The following PIWIL2 variants were observed in gnomAD, a reference collection of about 807,000 sequenced individuals.
The protein encoded by PIWIL2 is piwi like RNA-mediated gene silencing 2.
In PIWIL2, 81 loss-of-function variants were observed where a neutral mutation model predicts 116.5. That is an observed-to-expected ratio of 0.70 (90% CI 0.58 to 0.84). PIWIL2 has a LOEUF of 0.84. Among genes scored for constraint, PIWIL2 ranks in the 40% least tolerant of loss-of-function variants. PIWIL2 has a pLI of 0.00. For missense variants in PIWIL2, 1,272 were observed against 1,212.3 expected, an observed-to-expected ratio of 1.05 and a Z score of -0.73; for synonymous variants, 489 against 429.5, an observed-to-expected ratio of 1.14 and a Z score of -1.71.
chr8:22,338,500 G>A (rs905311183), intron 20 of PIWIL2, among the ~76,000 whole-genome samples: 1 of 152,012 alleles, frequency 6.6e-6, no homozygotes, highest in Non-Finnish European at 1.5e-5. Context: ...AGACCAGCCT[G>A]GCCAACATGG....
chr8:22,293,060 A>G (rs548491561), intron 10 of PIWIL2, among the ~76,000 whole-genome samples: 1 of 152,290 alleles, frequency 6.6e-6, no homozygotes, highest in South Asian at 2.1e-4. Context: ...CAAATCGGCT[A>G]TTTCTTTTTT....
chr8:22,319,192 A>G (rs1010067904), intron 20 of PIWIL2, among the ~76,000 whole-genome samples: 2 of 152,224 alleles, frequency 1.3e-5, no homozygotes, highest in African/African-American at 4.8e-5. Context: ...GAAATGTCGT[A>G]ATTTCATATG....
At chr8:22,305,089 A>G (rs1831143975) in intron 12 of PIWIL2, among the ~76,000 whole-genome samples, 1 of 152,196 alleles carries the variant, frequency 6.6e-6, no homozygotes, top group African/African-American at 2.4e-5. Flanking sequence ...ATATCCACAT[A>G]AGCTATTAGG....
At chr8:22,322,939 G>T (rs1327090770) in intron 20 of PIWIL2, among the ~76,000 whole-genome samples, 1 of 151,968 alleles carries the variant, frequency 6.6e-6, no homozygotes, top group Non-Finnish European at 1.5e-5. Flanking sequence ...GTTGTTTGAG[G>T]CAGAGTCTCT....
At position 22,290,340 on chromosome 8, in the gene PIWIL2, A is replaced by G; in HGVS notation, c.1175A>G (p.Asp392Gly). Reference sequence around the variant, plus strand: ...GTCATTCGGAATGACTGTGTGCTGGATGTCATGTGAGTGAATGGTGGGGTC... The same window carrying G: ...GTCATTCGGAATGACTGTGTGCTGGGTGTCATGTGAGTGAATGGTGGGGTC... ...HKVIRNDCVL[D>G]VMHAIYQQNK... The change falls in exon 10 of 23, where the codon GAT (aspartate) becomes GGT (glycine). Residue 392 changes from aspartate to glycine, a missense_variant. By Grantham distance (94) the Asp-to-Gly change is moderately conservative. Transcript: ENST00000356766. The G allele has an allele frequency of 3.2e-6, 5 of 1,585,074 alleles. No individual in the cohort carries two copies. The highest frequency in any genetic ancestry group is 4.3e-6 in the Non-Finnish European group (5 of 1,154,488).
At chr8:22,281,616 ATGTC>A in intron 4 of PIWIL2, 101 bp downstream of exon 4, 1 of 981,178 alleles carries the variant, frequency 1.0e-6, no homozygotes, top group South Asian at 2.0e-5. Context: ...CTCATAATCA[ATGTC>A]TGGTTTTATA....
intron 8 of PIWIL2, among the ~76,000 whole-genome samples, chr8:22,289,152 C>CTTTTTTTT (rs374688951): frequency 6.7e-5 from 9 of 135,280 alleles, no homozygotes; most frequent in East Asian, 2.1e-4. Flanking sequence ...TTTCTTTTTT[C>CTTTTTTTT]TTTTTTTTTT....
Position 22,305,293 on chromosome 8 carries a change from CAT to C in PIWIL2, c.1455+426_1455+427del, listed in dbSNP as rs558766072. On this transcript the variant is annotated intron_variant, in intron 12 of 22. Coordinates refer to ENST00000356766, the MANE Select transcript of PIWIL2 (RefSeq NM_018068.5). The stretch of plus-strand genomic sequence containing the variant: ...CTGCAAGCTCCGCCTCCCGGGTTCA[CAT>C]CATTCTCCTGCCTCAGCCTCCTGAG... Among the ~76,000 whole-genome samples the C allele has an allele frequency of 2.0e-5, 3 of 152,106 alleles. No homozygotes were observed. In the East Asian group the frequency reaches 5.8e-4, roughly 29 times the overall value.
At position 22,281,428 on chromosome 8, in the gene PIWIL2, G is replaced by T; in HGVS notation, c.338G>T (p.Arg113Met). Residue 113 changes from arginine to methionine, a missense_variant, in exon 4 of 23, where the codon AGG becomes ATG. Coordinates refer to ENST00000356766, the MANE Select transcript of PIWIL2 (RefSeq NM_018068.5). ...TCTGCTAATCTGGTACGCAAGGACAGGGAGGAACTCTCTCCCACTTTTTGG... is the reference window on the plus strand; with the variant it reads ...TCTGCTAATCTGGTACGCAAGGACATGGAGGAACTCTCTCCCACTTTTTGG... ...GLSANLVRKD[R>M]EELSPTFWDP... 1.2e-6 allele frequency: 2 copies of T among 1,606,072 alleles called. No homozygotes were observed. The highest frequency in any genetic ancestry group is 1.7e-6 in the Non-Finnish European group (2 of 1,178,322).
intron 20 of PIWIL2, among the ~76,000 whole-genome samples, chr8:22,342,959 C>T (rs1832143561): frequency 6.6e-6 from 1 of 152,170 alleles, no homozygotes; most frequent in Non-Finnish European, 1.5e-5. Context: ...CCTCAACAGA[C>T]ATCTCACCAA....
chr8:22,310,008 T>C lies in PIWIL2; in HGVS notation c.1734T>C (p.Thr578=), dbSNP rs755026695. 3 of 1,612,098 alleles carry C rather than the reference T, an allele frequency of 1.9e-6. No homozygotes were observed. The East Asian group carries it at 6.7e-5, about 36-fold the overall frequency. ...TGGAAAGAATTAACTTAAAAAATAC[T>C]TCGTTTATCACATCTCAGGAACTAA... The part of the protein sequence containing the change: ...LPMERINLKN[T]SFITSQELNW... Residue 578 remains threonine (T), a synonymous_variant, in exon 15 of 23, where the codon ACT becomes ACC. Coordinates refer to ENST00000356766, the MANE Select transcript of PIWIL2 (RefSeq NM_018068.5).
At chr8:22,336,989 A>T (rs1455458060) in intron 20 of PIWIL2, among the ~76,000 whole-genome samples, 1 of 152,224 alleles carries the variant, frequency 6.6e-6, no homozygotes, top group Admixed American at 6.5e-5. Flanking sequence ...CCAACAAATT[A>T]GATGCCCTAA....
intron 13 of PIWIL2, 84 bp from the exon 14 acceptor site, chr8:22,307,849 A>T: frequency 9.6e-7 from 1 of 1,036,316 alleles, no homozygotes; most frequent in Non-Finnish European, 1.4e-6. Flanking sequence ...GGGAAAGAGA[A>T]ACATTTTAGA....
At chr8:22,326,431 A>G (rs1022408414) in intron 20 of PIWIL2, among the ~76,000 whole-genome samples, 3 of 152,118 alleles carry the variant, frequency 2.0e-5, no homozygotes, top group Admixed American at 2.0e-4. Context: ...CTGAGGTAAG[A>G]GGATCTCTAG....
chr8:22,297,042 A>C (rs550101422), intron 10 of PIWIL2, among the ~76,000 whole-genome samples: 1 of 151,894 alleles, frequency 6.6e-6, no homozygotes, highest in African/African-American at 2.4e-5. Flanking sequence ...CAGTTGGAGT[A>C]CAGTGGCACG....
Position 22,351,319 on chromosome 8 carries a change from T to TA in PIWIL2, c.2404-1629dup, listed in dbSNP as rs1031866170. Reference sequence around the variant, plus strand: ...AGCAACAGAGTGAGACCTCAATTCTTAAAAAAAAAAACAAATTGAAACTCA... The same window carrying TA: ...AGCAACAGAGTGAGACCTCAATTCTTAAAAAAAAAAAACAAATTGAAACTCA... On this transcript the variant is annotated intron_variant, in intron 20 of 22. Coordinates refer to ENST00000356766, the MANE Select transcript of PIWIL2 (RefSeq NM_018068.5). Among the ~76,000 whole-genome samples the TA allele has an allele frequency of 5.8e-3, 790 of 137,316 alleles. 4 individuals are homozygous for TA. The highest frequency in any genetic ancestry group is 0.017 in the African/African-American group (654 of 37,858). 90.1% of individuals were successfully genotyped at this position (137,316 alleles called of 152,430 possible).
intron 19 of PIWIL2, among the ~76,000 whole-genome samples, chr8:22,317,284 G>A (rs1831482869): frequency 6.6e-6 from 1 of 152,100 alleles, no homozygotes; most frequent in Non-Finnish European, 1.5e-5. Context: ...AATTCCTCAT[G>A]GTCCAGCTTT....
chr8:22,282,314 C>T (rs192871485), intron 4 of PIWIL2, among the ~76,000 whole-genome samples: 3 of 125,474 alleles, frequency 2.4e-5, no homozygotes, highest in South Asian at 2.9e-4. Context: ...TGCAGTGGCA[C>T]GATCTTGGCT....
At chr8:22,348,752 A>G (rs879637244) in intron 20 of PIWIL2, among the ~76,000 whole-genome samples, 23 of 152,204 alleles carry the variant, frequency 1.5e-4, no homozygotes, top group African/African-American at 5.3e-4. Flanking sequence ...GTCTCAAAAG[A>G]AAGAAAAACA....
Sources: gnomAD v4.1 joint callset for allele counts (sites outside exome capture counted in the v4.1 genomes callset) on GRCh38, gnomAD v4.1.1 for gene constraint, MANE v1.5 for transcripts, NCBI Gene and HGNC (gene_info 2026-07-23, HGNC 2026-07-21) for gene names.